SLC16A12: variants seen among roughly 807,000 people sequenced by gnomAD.
SLC16A12 encodes monocarboxylate transporter 12.
Under a neutral mutation model 42.4 loss-of-function variants are expected in SLC16A12, and 17 were observed. The ratio of observed to expected loss-of-function variants is 0.40; its 90% CI spans 0.27 to 0.60. The LOEUF is 0.60. Ranked by LOEUF, SLC16A12 falls within the 20% of genes least tolerant of loss-of-function variation. SLC16A12 has a pLI of 0.42. For missense variants in SLC16A12, 544 were observed against 623.0 expected (o/e 0.87, Z 1.35); for synonymous variants, 224 against 229.4 (o/e 0.98, Z 0.21).
chr10:89,493,395 GTAT>G (rs903441923), intron 2 of SLC16A12, among the ~76,000 whole-genome samples: 1 of 151,992 alleles, frequency 6.6e-6, no homozygotes, highest in African/African-American at 2.4e-5. Context: ...GCTAATTTTT[GTAT>G]TATTAGTAGA....
chr10:89,450,040 C>G (rs1842067265), intron 3 of SLC16A12, among the ~76,000 whole-genome samples: 1 of 152,186 alleles, frequency 6.6e-6, no homozygotes, highest in Admixed American at 6.5e-5. Flanking sequence ...CAGAGAAATG[C>G]AAATCAAAAC....
At chr10:89,472,487 C>CTTTTTTTTTTTT (rs71022567) in intron 2 of SLC16A12, among the ~76,000 whole-genome samples, 17 of 89,892 alleles carry the variant, frequency 1.9e-4, no homozygotes, top group East Asian at 3.5e-4. Flanking sequence ...TCTTTTCTTT[C>CTTTTTTTTTTTT]TTTTTTTTTT....
At chr10:89,544,247 G>T (rs535849162) in intron 2 of SLC16A12, among the ~76,000 whole-genome samples, 1 of 152,214 alleles carries the variant, frequency 6.6e-6, no homozygotes, top group African/African-American at 2.4e-5. Context: ...ACCGTCTAAG[G>T]CTTCTTCTGA....
intron 2 of SLC16A12, among the ~76,000 whole-genome samples, chr10:89,463,939 G>T (rs1842348254): frequency 6.6e-6 from 1 of 152,248 alleles, no homozygotes; most frequent in South Asian, 2.1e-4. Flanking sequence ...CTTGAGCGTG[G>T]GAGGGACCTG....
intron 2 of SLC16A12, among the ~76,000 whole-genome samples, chr10:89,469,805 C>T (rs750336262): frequency 2.0e-5 from 3 of 152,200 alleles, no homozygotes; most frequent in African/African-American, 7.2e-5. Context: ...GTCTTCTAAA[C>T]CAGATGACTA....
intron 2 of SLC16A12, among the ~76,000 whole-genome samples, chr10:89,520,302 G>A (rs1843331520): frequency 6.6e-6 from 1 of 151,990 alleles, no homozygotes; most frequent in Admixed American, 6.5e-5. Flanking sequence ...CAAAAATATG[G>A]AAAAAGATCA....
intron 7 of SLC16A12, 127 bp downstream of exon 7, chr10:89,435,933 C>G: frequency 2.2e-6 from 3 of 1,362,048 alleles, no homozygotes; most frequent in Non-Finnish European, 3.1e-6. Flanking sequence ...GCTCTTATAT[C>G]CCTTTTCTCT....
chr10:89,501,506 T>G (rs1842990542), intron 2 of SLC16A12, among the ~76,000 whole-genome samples: 2 of 152,152 alleles, frequency 1.3e-5, no homozygotes, highest in South Asian at 4.1e-4. Flanking sequence ...TAAACTCAAA[T>G]ACTTACAGCC....
chr10:89,548,586 C>G (rs994715934), intron 2 of SLC16A12, among the ~76,000 whole-genome samples: 1 of 151,968 alleles, frequency 6.6e-6, no homozygotes, highest in South Asian at 2.1e-4. Flanking sequence ...GAGGCTGAGG[C>G]GGGTGGATCA....
At chr10:89,534,739 G>C (rs1400491347) in intron 1 of SLC16A12, 99 bp from the exon 2 acceptor site, 1 of 152,050 alleles carries the variant, frequency 6.6e-6, no homozygotes, top group Non-Finnish European at 1.5e-5. Flanking sequence ...TGGGGAGGGA[G>C]GATCGTTGGA....
At chr10:89,503,319 A>T (rs1287971194) in intron 2 of SLC16A12, among the ~76,000 whole-genome samples, 1 of 152,172 alleles carries the variant, frequency 6.6e-6, no homozygotes, top group African/African-American at 2.4e-5. Context: ...AAAGGTGGTG[A>T]CTCACTTTAA....
At chr10:89,494,312 C>T (rs1039990745) in intron 2 of SLC16A12, among the ~76,000 whole-genome samples, 11 of 152,222 alleles carry the variant, frequency 7.2e-5, no homozygotes, top group East Asian at 3.8e-4. Context: ...AAGTTTCAAA[C>T]GTACTCAACT....
In SLC16A12 at chr10:89,451,954, G is replaced by A. The variant is rs746497814; in HGVS notation, c.201-8095C>T. ...CAGGCCTGGGGATAGGGAATGAAGT[G>A]TCTACCAGCCCCAAGAGGCTATGCT... On this transcript the variant is annotated intron_variant, in intron 3 of 7. Coordinates refer to ENST00000371790, the MANE Select transcript of SLC16A12 (RefSeq NM_213606.4). 2.6e-5 allele frequency among the ~76,000 whole-genome samples: 4 copies of A among 152,186 alleles called. 1 individual carries two copies. The highest frequency in any genetic ancestry group is 2.1e-4 in the South Asian group (1 of 4,834).
intron 2 of SLC16A12, among the ~76,000 whole-genome samples, chr10:89,487,688 T>C (rs1842778237): frequency 6.7e-6 from 1 of 150,062 alleles, no homozygotes; most frequent in Admixed American, 6.7e-5. Context: ...GGTGCGCGCC[T>C]GTAGCCCCAG....
chr10:89,437,604 A>G (rs1220381701), intron 6 of SLC16A12, among the ~76,000 whole-genome samples: 1 of 151,816 alleles, frequency 6.6e-6, no homozygotes, highest in Non-Finnish European at 1.5e-5. Flanking sequence ...TGATTGTGAA[A>G]ATAGGTAATC....
At chr10:89,539,116 C>G (rs1414922714), upstream of SLC16A12, among the ~76,000 whole-genome samples, 2 of 152,220 alleles carry the variant, frequency 1.3e-5, no homozygotes, top group African/African-American at 2.4e-5. Context: ...TACCCTACTG[C>G]AAGTCTTCGT....
chr10:89,515,119 CAAAACAAAACAAAAA>C (rs1388144076), intron 2 of SLC16A12, among the ~76,000 whole-genome samples: 7 of 148,896 alleles, frequency 4.7e-5, no homozygotes, highest in African/African-American at 1.8e-4. Flanking sequence ...CAAAACAAAA[CAAAACAAAACAAAAA>C]AAAAAGAAAA....
intron 2 of SLC16A12, among the ~76,000 whole-genome samples, chr10:89,521,093 A>T (rs1281751545): frequency 6.6e-6 from 1 of 152,208 alleles, no homozygotes; most frequent in Non-Finnish European, 1.5e-5. Context: ...GGAAGGTGAT[A>T]TCTGTCCAAG....
intron 2 of SLC16A12, among the ~76,000 whole-genome samples, chr10:89,477,819 C>G (rs1047871028): frequency 6.6e-6 from 1 of 152,122 alleles, no homozygotes; most frequent in African/African-American, 2.4e-5. Flanking sequence ...AGTCTCTGTA[C>G]TAAGTCTATT....
Sources: allele counts gnomAD v4.1 joint callset (sites outside exome capture counted in the v4.1 genomes callset), GRCh38; gene constraint gnomAD v4.1.1; transcripts MANE v1.5; gene names NCBI Gene and HGNC (gene_info 2026-07-23, HGNC 2026-07-21).